ZMAT4: variants seen among roughly 807,000 people sequenced by gnomAD.
ZMAT4 encodes the protein zinc finger matrin-type 4, also known as zinc finger matrin-type protein 4.
ZMAT4 carries 17 observed loss-of-function variants against 28.7 expected under a neutral mutation model. The observed-to-expected ratio is 0.59, with a 90% CI of 0.41 to 0.89. The LOEUF (loss-of-function observed/expected upper bound fraction) is 0.89, where lower values mean the gene tolerates loss of function less well. Ranked by LOEUF, ZMAT4 falls within the 40% of genes least tolerant of loss-of-function variation. The probability of loss-of-function intolerance (pLI) is 0.00; values close to 1 mark genes in which losing one functional copy is unlikely to be tolerated. For synonymous variants in ZMAT4, 117 were observed against 109.2 expected (o/e 1.07, Z -0.44); for missense variants, 240 against 283.8 (o/e 0.85, Z 1.11).
intron 3 of ZMAT4, among the ~76,000 whole-genome samples, chr8:40,710,547 T>C (rs1298733445): frequency 6.6e-6 from 1 of 152,018 alleles, no homozygotes; most frequent in Non-Finnish European, 1.5e-5. Flanking sequence ...TCTACAAAAT[T>C]TCCCTAGCAC....
chr8:40,798,386 A>G (rs1334255198), intron 2 of ZMAT4, among the ~76,000 whole-genome samples: 2 of 152,318 alleles, frequency 1.3e-5, no homozygotes, highest in East Asian at 3.9e-4. Flanking sequence ...AGGCTCTTTA[A>G]TGTATGACAA....
At chr8:40,804,565 G>A (rs970695882) in intron 2 of ZMAT4, among the ~76,000 whole-genome samples, 1 of 152,146 alleles carries the variant, frequency 6.6e-6, no homozygotes, top group African/African-American at 2.4e-5. Flanking sequence ...ACCAGGCCAG[G>A]AGCGGTGGCT....
chr8:40,713,527 A>G (rs1810713534), intron 3 of ZMAT4, among the ~76,000 whole-genome samples: 1 of 152,206 alleles, frequency 6.6e-6, no homozygotes, highest in African/African-American at 2.4e-5. Context: ...TTAGCTATAT[A>G]AAGAACACTT....
intron 6 of ZMAT4, among the ~76,000 whole-genome samples, chr8:40,548,523 A>G (rs1217475294): frequency 6.6e-6 from 1 of 152,222 alleles, no homozygotes; most frequent in African/African-American, 2.4e-5. Context: ...TTTAAACAAT[A>G]GAAATGAAAT....
intron 3 of ZMAT4, among the ~76,000 whole-genome samples, chr8:40,736,174 C>T (rs200207449): frequency 1.3e-5 from 2 of 152,132 alleles, no homozygotes; most frequent in East Asian, 3.9e-4. Context: ...CTTTCAACCA[C>T]AATAGCCTCA....
intron 5 of ZMAT4, among the ~76,000 whole-genome samples, chr8:40,594,760 G>A (rs894933590): frequency 1.3e-5 from 2 of 152,124 alleles, no homozygotes; most frequent in Non-Finnish European, 2.9e-5. Context: ...GCATCCTCAG[G>A]CATGTTCAAA....
intron 4 of ZMAT4, among the ~76,000 whole-genome samples, chr8:40,676,620 T>G (rs901510273): frequency 1.3e-5 from 2 of 152,218 alleles, no homozygotes; most frequent in African/African-American, 4.8e-5. Context: ...AAACAAATAC[T>G]TGTTAAGTGA....
intron 1 of ZMAT4, among the ~76,000 whole-genome samples, chr8:40,887,792 C>T (rs1459248357): frequency 6.6e-6 from 1 of 152,180 alleles, no homozygotes; most frequent in Non-Finnish European, 1.5e-5. Flanking sequence ...CCTCTCACAG[C>T]CATGTTATTG....
chr8:40,701,502 C>A (rs1036071495), intron 3 of ZMAT4, among the ~76,000 whole-genome samples: 20 of 140,838 alleles, frequency 1.4e-4, no homozygotes, highest in African/African-American at 5.2e-4. Context: ...CACAACTATG[C>A]AGAATTTTTT....
At chr8:40,816,921 C>G (rs1057397559) in intron 2 of ZMAT4, among the ~76,000 whole-genome samples, 2 of 152,174 alleles carry the variant, frequency 1.3e-5, no homozygotes, top group Non-Finnish European at 2.9e-5. Flanking sequence ...GACATCCAAC[C>G]ATGAGAGACG....
chr8:40,768,302 C>A (rs771645334), intron 2 of ZMAT4, among the ~76,000 whole-genome samples: 6 of 152,184 alleles, frequency 3.9e-5, no homozygotes, highest in Admixed American at 6.5e-5. Context: ...GCCTAAGCTA[C>A]CTGCCAGCAG....
At chr8:40,597,895 T>C (rs879321656) in intron 5 of ZMAT4, among the ~76,000 whole-genome samples, 4 of 152,206 alleles carry the variant, frequency 2.6e-5, no homozygotes, top group Non-Finnish European at 4.4e-5. Flanking sequence ...ATCAAGCTAT[T>C]ATTTGAATTT....
chr8:40,850,840 TTTA>T (rs1433732227), intron 1 of ZMAT4, among the ~76,000 whole-genome samples: 13 of 152,248 alleles, frequency 8.5e-5, no homozygotes, highest in Admixed American at 1.3e-4. Context: ...TCTCAAGTTT[TTTA>T]TTCTCAGAAC....
intron 5 of ZMAT4, among the ~76,000 whole-genome samples, chr8:40,656,834 G>A (rs995994635): frequency 1.3e-5 from 2 of 151,892 alleles, no homozygotes; most frequent in Admixed American, 6.6e-5. Context: ...TCCAAAATAG[G>A]CAAGCCCACA....
chr8:40,531,206 GT>G lies in ZMAT4; in HGVS notation c.*1016del, dbSNP rs1802683910. The G allele has an allele frequency of 6.6e-6, 1 of 152,128 alleles. No individual in the cohort carries two copies. Among genetic ancestry groups the G allele is most frequent in the Non-Finnish European group, 1.5e-5 (1 of 68,032 alleles). The allele number at this position is 152,128 out of a possible 1,614,324, so 9.4% of individuals were successfully genotyped here. A position where few individuals can be genotyped will look rare whatever the true frequency, so the allele number is the denominator to read the frequency against. On this transcript the variant is annotated 3_prime_UTR_variant, in exon 7 of 7. Transcript: ENST00000297737. ...AGACGCTCCCCATCAGAAAGGAACT[GT>G]TTTCTTTATCGGTCATGCTCTTTCC... is the stretch of plus-strand genomic sequence containing the variant.
At chr8:40,554,437 A>G (rs1803463732) in intron 6 of ZMAT4, among the ~76,000 whole-genome samples, 1 of 152,110 alleles carries the variant, frequency 6.6e-6, no homozygotes. Flanking sequence ...ATACACTGCG[A>G]AAAAACTAGA....
chr8:40,699,452 G>T (rs1267955594), intron 3 of ZMAT4, among the ~76,000 whole-genome samples: 1 of 151,868 alleles, frequency 6.6e-6, no homozygotes, highest in Non-Finnish European at 1.5e-5. Context: ...CCCACTAATG[G>T]GTATCTACCC....
chr8:40,549,263 C>T (rs532966452), intron 6 of ZMAT4, among the ~76,000 whole-genome samples: 2 of 152,230 alleles, frequency 1.3e-5, no homozygotes, highest in Admixed American at 1.3e-4. Context: ...ATTACCCAGT[C>T]TGAGGTATTT....
intron 2 of ZMAT4, among the ~76,000 whole-genome samples, chr8:40,815,724 G>T (rs1382091514): frequency 6.6e-6 from 1 of 152,176 alleles, no homozygotes; most frequent in Admixed American, 6.5e-5. Context: ...TTGGCACACA[G>T]GCTCCAAGTT....
Sources: gnomAD v4.1 joint callset for allele counts (sites outside exome capture counted in the v4.1 genomes callset) on GRCh38, gnomAD v4.1.1 for gene constraint, MANE v1.5 for transcripts, NCBI Gene and HGNC (gene_info 2026-07-23, HGNC 2026-07-21) for gene names.